The following RNF38 variants were observed in gnomAD, a reference collection of about 807,000 sequenced individuals.
RNF38 encodes ring finger protein 38.
In RNF38, 15 loss-of-function variants were observed where a neutral mutation model predicts 67.2. The ratio of observed to expected loss-of-function variants is 0.22; its 90% CI spans 0.15 to 0.34. RNF38 has a LOEUF of 0.34. Ranked by LOEUF, RNF38 falls within the 10% of genes least tolerant of loss-of-function variation. The pLI is 1.00. For synonymous variants in RNF38, 220 were observed against 218.8 expected (o/e 1.01, Z -0.05); for missense variants, 524 against 639.9 (o/e 0.82, Z 1.95).
chr9:36,472,048 A>T (rs1417864358), intron 1 of RNF38, among the ~76,000 whole-genome samples: 1 of 152,202 alleles, frequency 6.6e-6, no homozygotes, highest in Non-Finnish European at 1.5e-5. Context: ...TTAAAATAAC[A>T]ATTTGTTTTC....
intron 2 of RNF38, among the ~76,000 whole-genome samples, chr9:36,386,278 T>G (rs562173152): frequency 7.3e-4 from 111 of 152,258 alleles, no homozygotes; most frequent in Non-Finnish European, 1.2e-3. Flanking sequence ...TTGGAAAAGT[T>G]TTTCCCCCTT....
At chr9:36,408,686 G>A (rs1838243595) in intron 2 of RNF38, among the ~76,000 whole-genome samples, 1 of 152,122 alleles carries the variant, frequency 6.6e-6, no homozygotes, top group Non-Finnish European at 1.5e-5. Flanking sequence ...TGGGTCAAAG[G>A]ACTGGCTGGA....
At chr9:36,413,000 A>T (rs1838365702) in intron 2 of RNF38, among the ~76,000 whole-genome samples, 1 of 152,074 alleles carries the variant, frequency 6.6e-6, no homozygotes, top group Non-Finnish European at 1.5e-5. Context: ...TGAACCCAAG[A>T]GGCAGAGGTT....
At chr9:36,462,886 G>A (rs1839766890) in intron 1 of RNF38, among the ~76,000 whole-genome samples, 2 of 151,946 alleles carry the variant, frequency 1.3e-5, no homozygotes, top group African/African-American at 4.8e-5. Flanking sequence ...TGTTGGCCAG[G>A]CTGGTCTCCA....
At chr9:36,446,975 A>C (rs938111718) in intron 1 of RNF38, among the ~76,000 whole-genome samples, 4 of 151,416 alleles carry the variant, frequency 2.6e-5, no homozygotes, top group African/African-American at 9.7e-5. Flanking sequence ...AAAAAAAAAA[A>C]ACATAGCTGG....
At position 36,392,757 on chromosome 9, in the gene RNF38, A is replaced by C. The variant is rs560451463; in HGVS notation, c.13-2141T>G. On this transcript the variant is annotated intron_variant, in intron 1 of 11. Transcript: ENST00000259605. ...TCCAGCCTGGTCAACATGGTGAGAC[A>C]ATTTCTAAAAATAAGTATTTGTTAA... Among the ~76,000 whole-genome samples the C allele has an allele frequency of 2.6e-5, 4 of 152,226 alleles. No individual in the cohort carries two copies. In the South Asian group the frequency reaches 8.3e-4, roughly 32 times the overall value.
At chr9:36,485,597 T>C (rs960710039) in intron 1 of RNF38, among the ~76,000 whole-genome samples, 2 of 152,182 alleles carry the variant, frequency 1.3e-5, no homozygotes, top group Non-Finnish European at 2.9e-5. Context: ...TAAGTATACA[T>C]TTGCCAAATA....
At chr9:36,416,381 C>T (rs1838470036) in intron 2 of RNF38, among the ~76,000 whole-genome samples, 1 of 152,104 alleles carries the variant, frequency 6.6e-6, no homozygotes, top group African/African-American at 2.4e-5. Flanking sequence ...TCAGTCCCAC[C>T]ATGCCCTGAC....
intron 2 of RNF38, among the ~76,000 whole-genome samples, chr9:36,412,522 A>G (rs2134202417): frequency 6.6e-6 from 1 of 152,318 alleles, no homozygotes; most frequent in East Asian, 1.9e-4. Context: ...TGCAGATGGG[A>G]CTTCGTGGGA....
intron 8 of RNF38, among the ~76,000 whole-genome samples, chr9:36,351,697 G>C (rs10972866): frequency 6.6e-6 from 1 of 151,978 alleles, no homozygotes; most frequent in South Asian, 2.1e-4. Context: ...ACGTAAGCAC[G>C]TGGCCTTCTG....
chr9:36,387,741 C>G (rs1243956943), intron 2 of RNF38, among the ~76,000 whole-genome samples: 1 of 152,130 alleles, frequency 6.6e-6, no homozygotes, highest in African/African-American at 2.4e-5. Context: ...TGAGCCTACA[C>G]TTACACCTCT....
chr9:36,424,976 T>C (rs990133496), intron 1 of RNF38, among the ~76,000 whole-genome samples: 5 of 152,202 alleles, frequency 3.3e-5, no homozygotes, highest in Admixed American at 3.3e-4. Context: ...AAAGTAAGAT[T>C]ACCTGCAGAA....
chr9:36,389,841 C>T (rs1038001210), intron 2 of RNF38, among the ~76,000 whole-genome samples: 4 of 152,138 alleles, frequency 2.6e-5, no homozygotes, highest in Admixed American at 6.5e-5. Flanking sequence ...GTGGTAACAG[C>T]GATACTGACT....
intron 3 of RNF38, among the ~76,000 whole-genome samples, chr9:36,373,458 G>A (rs1323788971): frequency 6.6e-6 from 1 of 152,092 alleles, no homozygotes. Flanking sequence ...TGACTGAACA[G>A]GGAATAATGT....
At chr9:36,372,699 T>C (rs142405840) in intron 3 of RNF38, 53 of 498,004 alleles carry the variant, frequency 1.1e-4, no homozygotes, top group Middle Eastern at 3.2e-4. Context: ...TACTACTCTT[T>C]TGTCTTGCTA....
intron 1 of RNF38, among the ~76,000 whole-genome samples, chr9:36,450,129 C>T (rs947024327): frequency 1.3e-5 from 2 of 152,110 alleles, no homozygotes; most frequent in African/African-American, 4.8e-5. Context: ...AATTCAGTGG[C>T]ATGAACCTAA....
intron 1 of RNF38, among the ~76,000 whole-genome samples, chr9:36,465,298 T>C (rs1354525680): frequency 6.6e-6 from 1 of 152,204 alleles, no homozygotes; most frequent in African/African-American, 2.4e-5. Flanking sequence ...AATAAAAATA[T>C]ATGTCCATGT....
intron 1 of RNF38, among the ~76,000 whole-genome samples, chr9:36,396,174 T>G (rs1049564924): frequency 3.3e-5 from 5 of 152,212 alleles, no homozygotes; most frequent in African/African-American, 4.8e-5. Context: ...AAAAGAATAA[T>G]CTTCCAAACT....
intron 1 of RNF38, among the ~76,000 whole-genome samples, chr9:36,397,332 T>G (rs1355090337): frequency 1.3e-5 from 2 of 152,078 alleles, no homozygotes; most frequent in Non-Finnish European, 2.9e-5. Flanking sequence ...CAGGCTGGTT[T>G]CAAACTCCTG....
Sources: gnomAD v4.1 joint callset for allele counts (sites outside exome capture counted in the v4.1 genomes callset) on GRCh38, gnomAD v4.1.1 for gene constraint, MANE v1.5 for transcripts, NCBI Gene and HGNC (gene_info 2026-07-23, HGNC 2026-07-21) for gene names.